PCDH7: variants seen among roughly 807,000 people sequenced by gnomAD.
The protein encoded by PCDH7 is protocadherin 7.
Under a neutral mutation model 58.9 loss-of-function variants are expected in PCDH7, and 17 were observed. The ratio of observed to expected loss-of-function variants is 0.29; its 90% CI spans 0.20 to 0.43. The LOEUF is 0.43. Among genes scored for constraint, PCDH7 ranks in the 20% least tolerant of loss-of-function variants. The pLI is 1.00. For missense variants in PCDH7, 1,274 were observed against 1,441.0 expected, an observed-to-expected ratio of 0.88 and a Z score of 1.88; for synonymous variants, 664 against 616.4, an observed-to-expected ratio of 1.08 and a Z score of -1.14.
chr4:30,809,265 G>A (rs1726667968), intron 1 of PCDH7, among the ~76,000 whole-genome samples: 2 of 152,096 alleles, frequency 1.3e-5, no homozygotes, highest in African/African-American at 2.4e-5. Flanking sequence ...TTATCAAATC[G>A]TCTTTCCCCT....
chr4:30,815,713 G>A (rs570074205), intron 1 of PCDH7, among the ~76,000 whole-genome samples: 1 of 152,302 alleles, frequency 6.6e-6, no homozygotes, highest in Admixed American at 6.5e-5. Context: ...GTGCACATGT[G>A]GGAGCCCACT....
chr4:31,140,420 T>G (rs533026699), intron 3 of PCDH7, among the ~76,000 whole-genome samples: 55 of 152,092 alleles, frequency 3.6e-4, no homozygotes, highest in African/African-American at 1.3e-3. Flanking sequence ...TTTTTATATT[T>G]TAGAAGCTAA....
intron 3 of PCDH7, among the ~76,000 whole-genome samples, chr4:31,035,867 T>C (rs990392663): frequency 6.6e-6 from 1 of 152,174 alleles, no homozygotes; most frequent in Admixed American, 6.5e-5. Flanking sequence ...TGTAATTATT[T>C]TTTGGCAGGT....
intron 3 of PCDH7, among the ~76,000 whole-genome samples, chr4:31,021,741 A>G (rs1160841681): frequency 6.6e-6 from 1 of 152,070 alleles, no homozygotes; most frequent in Non-Finnish European, 1.5e-5. Context: ...TCAGGTCCAG[A>G]GACACGAGTG....
intron 1 of PCDH7, among the ~76,000 whole-genome samples, chr4:30,758,766 T>C (rs1719643276): frequency 2.0e-5 from 3 of 152,148 alleles, no homozygotes. Context: ...GCTCATTGCT[T>C]TTTTATATAC....
intron 1 of PCDH7, among the ~76,000 whole-genome samples, chr4:30,849,145 A>G (rs1732375433): frequency 6.6e-6 from 1 of 152,120 alleles, no homozygotes; most frequent in African/African-American, 2.4e-5. Flanking sequence ...AAATGTCAGT[A>G]TGGAAAACTG....
At chr4:31,126,485 T>C (rs529734475) in intron 3 of PCDH7, among the ~76,000 whole-genome samples, 6 of 152,140 alleles carry the variant, frequency 3.9e-5, no homozygotes, top group Non-Finnish European at 8.8e-5. Flanking sequence ...TGAATAAATA[T>C]AGTTTTGGAG....
intron 3 of PCDH7, among the ~76,000 whole-genome samples, chr4:31,056,944 G>T (rs1422962965): frequency 6.6e-6 from 1 of 152,090 alleles, no homozygotes; most frequent in African/African-American, 2.4e-5. Context: ...AAATATGTAT[G>T]TTTGTCAATG....
At chr4:30,758,458 C>A (rs1400999438) in intron 1 of PCDH7, among the ~76,000 whole-genome samples, 1 of 152,200 alleles carries the variant, frequency 6.6e-6, no homozygotes, top group Non-Finnish European at 1.5e-5. Context: ...ATTTATCTTA[C>A]AGTTCCAGTA....
chr4:31,102,724 A>C (rs1467082761), intron 3 of PCDH7, among the ~76,000 whole-genome samples: 1 of 152,050 alleles, frequency 6.6e-6, no homozygotes, highest in Non-Finnish European at 1.5e-5. Flanking sequence ...TATCAGGATT[A>C]TAGTCAAGTA....
chr4:30,809,833 A>T lies in PCDH7; in HGVS notation c.70+85237A>T, dbSNP rs1726749168. Among the ~76,000 whole-genome samples the T allele has an allele frequency of 2.0e-5, 3 of 152,130 alleles. No homozygotes were observed. The South Asian group carries it at 6.2e-4, about 32-fold the overall frequency. ...AGAATGGGTTGGTCTGGTGTTTATT[A>T]TATGTAACACATATTGTGTCCCTGG... On this transcript the variant is annotated intron_variant, in intron 1 of 3. Coordinates refer to the PCDH7 transcript ENST00000509759.
At position 30,976,866 on chromosome 4, in the gene PCDH7, A is replaced by T. The variant is rs182005493; in HGVS notation, c.*7+26651A>T. Among the ~76,000 whole-genome samples, 256 of 152,310 alleles carry T rather than the reference A, an allele frequency of 1.7e-3. 3 individuals are homozygous for T. The highest frequency in any genetic ancestry group is 5.9e-3 in the African/African-American group (245 of 41,572). On this transcript the variant is annotated intron_variant, in intron 3 of 3. Transcript: ENST00000509759. ...TTATGCCACCTGATTTTTCAGGTTA[A>T]TAAGTAAAAATTGTTTTATTTCATT...
intron 2 of PCDH7, among the ~76,000 whole-genome samples, chr4:30,932,558 C>T (rs1744778111): frequency 6.6e-6 from 1 of 152,192 alleles, no homozygotes; most frequent in Admixed American, 6.5e-5. Flanking sequence ...AAAAATGCAA[C>T]TCCCATTTAA....
intron 3 of PCDH7, among the ~76,000 whole-genome samples, chr4:31,097,614 ATATATATATATATATATATATAT>A (rs1560221739): frequency 2.8e-5 from 1 of 35,654 alleles, no homozygotes; most frequent in Non-Finnish European, 4.2e-5. Flanking sequence ...ATATATATAT[ATATATATATATATATATATATAT>A]AAATCTTTTT....
At chr4:30,870,680 C>T (rs1735466378) in intron 1 of PCDH7, among the ~76,000 whole-genome samples, 1 of 152,098 alleles carries the variant, frequency 6.6e-6, no homozygotes, top group African/African-American at 2.4e-5. Flanking sequence ...ATTGGTTTCC[C>T]TGTTGCACCC....
intron 3 of PCDH7, among the ~76,000 whole-genome samples, chr4:31,035,056 G>T (rs1207170514): frequency 6.6e-6 from 1 of 152,102 alleles, no homozygotes; most frequent in African/African-American, 2.4e-5. Flanking sequence ...GAAGAGTTTT[G>T]CAGAAGAAAA....
intron 1 of PCDH7, chr4:30,724,858 G>C (rs1714381849): frequency 7.8e-7 from 1 of 1,274,822 alleles, no homozygotes. Flanking sequence ...AGTTCTCTTT[G>C]CACTTGACAT....
intron 3 of PCDH7, among the ~76,000 whole-genome samples, chr4:30,951,256 A>C (rs1175413126): frequency 6.6e-6 from 1 of 152,094 alleles, no homozygotes; most frequent in Admixed American, 6.6e-5. Flanking sequence ...ATTTACATAC[A>C]TTTTCACCGA....
intron 1 of PCDH7, among the ~76,000 whole-genome samples, chr4:30,917,058 G>A (rs113217137): frequency 1.6e-4 from 25 of 152,256 alleles, no homozygotes; most frequent in African/African-American, 5.3e-4. Context: ...TCTGTCAGGA[G>A]TTGACACTCT....
Sources: allele counts gnomAD v4.1 joint callset (sites outside exome capture counted in the v4.1 genomes callset), GRCh38; gene constraint gnomAD v4.1.1; transcripts MANE v1.5; gene names NCBI Gene and HGNC (gene_info 2026-07-23, HGNC 2026-07-21).